WDR44: variants seen among roughly 807,000 people sequenced by gnomAD.
WDR44 encodes the protein WD repeat domain 44.
Under a neutral mutation model 65.7 loss-of-function variants are expected in WDR44, and 9 were observed. The observed-to-expected ratio is 0.14, with a 90% CI of 0.08 to 0.24. The LOEUF (loss-of-function observed/expected upper bound fraction) is 0.24. Ranked by LOEUF, WDR44 falls within the 10% of genes least tolerant of loss-of-function variation. The pLI, the probability that WDR44 is intolerant of heterozygous loss-of-function variation, is 1.00. For synonymous variants in WDR44, 220 were observed against 235.2 expected (o/e 0.94, Z 0.59); for missense variants, 425 against 670.9 (o/e 0.63, Z 4.05).
intron 3 of WDR44, among the ~76,000 whole-genome samples, chrX:118,388,980 T>C (rs2056795332): frequency 8.9e-6 from 1 of 112,403 alleles, no homozygotes; most frequent in Non-Finnish European, 1.9e-5. Context: ...TTTTCCACTA[T>C]AGCTTTTCTT....
At chrX:118,371,797 T>C (rs2056615578) in intron 1 of WDR44, among the ~76,000 whole-genome samples, 2 of 111,113 alleles carry the variant, frequency 1.8e-5, no homozygotes, top group Non-Finnish European at 3.8e-5. Flanking sequence ...CCACCAATAC[T>C]CAAATATGTC....
chrX:118,410,657 G>A (rs937247683), intron 11 of WDR44, among the ~76,000 whole-genome samples: 1 of 111,794 alleles, frequency 8.9e-6, no homozygotes, highest in African/African-American at 3.2e-5. Flanking sequence ...GGATTTAACG[G>A]TATTTTGTTT....
Position 118,443,665 on chromosome X carries a change from T to G in WDR44, c.2490T>G (p.Asn830Lys). The change falls in exon 18 of 20, where the codon AAT becomes AAG. Residue 830 changes from asparagine (N) to lysine (K), a missense_variant. Asn to Lys is a moderately conservative substitution (Grantham distance 94). Around this residue, in one of 5 missense-constraint regions of WDR44, gnomAD observed 73 missense variants for 187.4 expected, o/e 0.39. Transcript: ENST00000254029. ...SKFTSVRRDRNDFWEGIKAHN... is the reference protein window; with the variant it reads ...SKFTSVRRDRKDFWEGIKAHN... ...TTACTTCAGTCAGGAGAGATCGTAA[T>G]GACTTCTGGGAAGGTATTAAAGGTA... The G allele has an allele frequency of 8.3e-7, 1 of 1,208,897 alleles. No individual in the cohort carries two copies. Among genetic ancestry groups the G allele is most frequent in the Admixed American group, 2.2e-5 (1 of 45,878 alleles).
chrX:118,435,511 G>A (rs2057247780), intron 13 of WDR44, among the ~76,000 whole-genome samples: 2 of 111,670 alleles, frequency 1.8e-5, no homozygotes, highest in South Asian at 7.5e-4. Context: ...TCGAACTCCT[G>A]ACCTCAAATG....
At chrX:118,368,481 A>ATATATATATATATATATATAT (rs1377849821) in intron 1 of WDR44, among the ~76,000 whole-genome samples, 9 of 95,285 alleles carry the variant, frequency 9.4e-5, no homozygotes, top group African/African-American at 1.7e-4. Context: ...ATATATATAT[A>ATATATATATATATATATATAT]CTTCTTGAGG....
chrX:118,426,119 G>C (rs767262638), intron 12 of WDR44, among the ~76,000 whole-genome samples: 1 of 111,868 alleles, frequency 8.9e-6, no homozygotes, highest in Non-Finnish European at 1.9e-5. Flanking sequence ...GTGTGGATTA[G>C]ATATTAGATG....
At chrX:118,370,149 A>G (rs887261557) in intron 1 of WDR44, among the ~76,000 whole-genome samples, 1 of 112,388 alleles carries the variant, frequency 8.9e-6, no homozygotes, top group Non-Finnish European at 1.9e-5. Context: ...AAAATACACA[A>G]ATGAGATTGT....
In WDR44 at chrX:118,346,535, A is replaced by G. The variant is rs773097739; in HGVS notation, c.32A>G (p.Tyr11Cys). 2 of 1,205,983 alleles carry G rather than the reference A, an allele frequency of 1.7e-6. No individual in the cohort carries two copies. Among genetic ancestry groups the G allele is most frequent in the Non-Finnish European group, 1.1e-6 (1 of 892,497 alleles). The change falls in exon 1 of 20, where the codon TAT becomes TGT. Residue 11 changes from tyrosine (Y) to cysteine (C), a missense_variant. Tyr to Cys is a radical substitution (Grantham distance 194, BLOSUM62 -2). This residue lies in a region of WDR44 where 193 missense variants were observed against 209.0 expected (regional missense o/e 0.92). Transcript: ENST00000254029. Reference protein sequence around the residue: MASESDTEEFYDAPEDVHLGG... With the variant: MASESDTEEFCDAPEDVHLGG... ...TCGGAAAGCGACACCGAGGAATTCT[A>G]TGATGCCCCTGAAGATGTGCACCTA...
chrX:118,375,172 C>T (rs1224234756), intron 1 of WDR44, among the ~76,000 whole-genome samples: 5 of 110,518 alleles, frequency 4.5e-5, no homozygotes, highest in Non-Finnish European at 9.4e-5. Flanking sequence ...AATATGGCTT[C>T]CTGGTTTTTT....
chrX:118,435,875 G>A (rs1175736277), intron 13 of WDR44, among the ~76,000 whole-genome samples: 1 of 112,248 alleles, frequency 8.9e-6, no homozygotes, highest in African/African-American at 3.2e-5. Flanking sequence ...ATAATGCGAA[G>A]AACAATGCTT....
At chrX:118,367,867 T>G (rs2056567706) in intron 1 of WDR44, among the ~76,000 whole-genome samples, 1 of 111,764 alleles carries the variant, frequency 8.9e-6, no homozygotes, top group African/African-American at 3.3e-5. Flanking sequence ...TAAAATCCTT[T>G]TAGGATTTTG....
At chrX:118,441,275 T>C (rs753943554) in intron 14 of WDR44, 93 bp from the exon 15 acceptor site, 46 of 881,337 alleles carry the variant, frequency 5.2e-5, no homozygotes, top group Non-Finnish European at 7.0e-5. Context: ...TCTACATTTT[T>C]AAACTATTCT....
At chrX:118,436,845 G>A (rs749405410) in intron 14 of WDR44, 21 bp downstream of exon 14, 5 of 1,147,432 alleles carry the variant, frequency 4.4e-6, no homozygotes, top group Non-Finnish European at 5.8e-6. Flanking sequence ...ATTTATACAT[G>A]TTTTTGTTAA....
chrX:118,437,174 T>C (rs1394905871), intron 14 of WDR44, among the ~76,000 whole-genome samples: 6 of 110,740 alleles, frequency 5.4e-5, no homozygotes, highest in Non-Finnish European at 1.1e-4. Flanking sequence ...AATGAGAAGA[T>C]TGGGGAGGGA....
At chrX:118,442,095 G>A (rs775235163) in intron 15 of WDR44, 149 bp from the exon 16 acceptor site, 15 of 451,482 alleles carry the variant, frequency 3.3e-5, no homozygotes, top group East Asian at 1.5e-4. Flanking sequence ...AAGTTAGAGC[G>A]TAGTGGTGCA....
intron 10 of WDR44, among the ~76,000 whole-genome samples, 193 bp downstream of exon 10, chrX:118,407,219 G>A (rs2056974672): frequency 8.9e-6 from 1 of 111,892 alleles, no homozygotes; most frequent in Non-Finnish European, 1.9e-5. Context: ...GTGACTTATC[G>A]GCCAGGTGCG....
intron 3 of WDR44, among the ~76,000 whole-genome samples, chrX:118,389,925 G>A (rs777221480): frequency 1.9e-5 from 2 of 107,464 alleles, no homozygotes; most frequent in Non-Finnish European, 3.8e-5. Context: ...CTTGAGTCTC[G>A]CTCTGTTGCC....
chrX:118,360,551 A>C (rs1477852404), intron 1 of WDR44, among the ~76,000 whole-genome samples: 1 of 111,665 alleles, frequency 9.0e-6, no homozygotes, highest in Non-Finnish European at 1.9e-5. Flanking sequence ...TTTGCTATCA[A>C]ATCTTACTGT....
chrX:118,436,320 A>G (rs1327351845), intron 13 of WDR44, among the ~76,000 whole-genome samples: 1 of 112,213 alleles, frequency 8.9e-6, no homozygotes, highest in African/African-American at 3.2e-5. Context: ...AGTGTTATCA[A>G]TGTGAAAATA....
Sources: gnomAD v4.1 joint callset for allele counts (sites outside exome capture counted in the v4.1 genomes callset) on GRCh38, gnomAD v4.1.1 for gene constraint, gnomAD v4.1.1 regional missense constraint, MANE v1.5 for transcripts, NCBI Gene and HGNC (gene_info 2026-07-23, HGNC 2026-07-21) for gene names.